Variants in JAK1 observed in about 807,000 individuals in gnomAD.
JAK1 encodes tyrosine-protein kinase JAK1.
A neutral mutation model predicts 136.6 loss-of-function variants in JAK1; 16 were observed. That is an observed-to-expected ratio of 0.12 (90% CI 0.08 to 0.18). The LOEUF is 0.18. JAK1 is among the 10% of genes least tolerant of loss of function. JAK1 has a pLI of 1.00. For synonymous variants in JAK1, 492 were observed against 519.5 expected (o/e 0.95, Z 0.72); for missense variants, 859 against 1,450.1 (o/e 0.59, Z 6.62).
At chr1:64,876,919 T>G (rs1361480088) in intron 4 of JAK1, among the ~76,000 whole-genome samples, 1 of 152,240 alleles carries the variant, frequency 6.6e-6, no homozygotes, top group African/African-American at 2.4e-5. Flanking sequence ...ATGCAGATAT[T>G]ATACACAACA....
chr1:64,898,712 T>C (rs1215710820), intron 1 of JAK1, among the ~76,000 whole-genome samples: 1 of 152,240 alleles, frequency 6.6e-6, no homozygotes, highest in Non-Finnish European at 1.5e-5. Context: ...TTCCTTCTAC[T>C]GTCATCCAGT....
chr1:64,908,696 CCA>C (rs1645230911), intron 1 of JAK1, among the ~76,000 whole-genome samples: 1 of 151,288 alleles, frequency 6.6e-6, no homozygotes, highest in Non-Finnish European at 1.5e-5. Flanking sequence ...AAGCATATGC[CCA>C]CAATTTTTAG....
chr1:64,910,604 C>T (rs1228851521), intron 1 of JAK1, among the ~76,000 whole-genome samples: 2 of 152,076 alleles, frequency 1.3e-5, no homozygotes, highest in East Asian at 3.9e-4. Context: ...GAGGCTAAGG[C>T]GGGCTGATCA....
intron 1 of JAK1, among the ~76,000 whole-genome samples, chr1:65,047,432 T>C (rs1382908010): frequency 6.6e-6 from 1 of 152,118 alleles, no homozygotes; most frequent in East Asian, 1.9e-4. Context: ...TAAAAAGTCA[T>C]ACAAGGCTGG....
At chr1:64,986,582 A>G (rs1018687014) in intron 2 of JAK1, among the ~76,000 whole-genome samples, 3 of 151,446 alleles carry the variant, frequency 2.0e-5, no homozygotes, top group Non-Finnish European at 2.9e-5. Context: ...TATCTTCTAA[A>G]GTTGTTGTGA....
rs1656211515 is a variant in JAK1 at position 64,860,332 on chromosome 1, G to A, written c.1177-70C>T. The A allele has an allele frequency of 3.8e-6, 5 of 1,319,242 alleles. No homozygotes were observed. In the East Asian group the frequency reaches 9.7e-5, roughly 26 times the overall value. The allele number at this position is 1,319,242 out of a possible 1,614,324, so 81.7% of individuals were successfully genotyped here. A position where few individuals can be genotyped will look rare whatever the true frequency, so the allele number is the denominator to read the frequency against. ...CAGCTTAAGTGGCTGACTCTGTAGG[G>A]AGGTGCACAGTGAGAAGATTTTTAT... On this transcript the variant is annotated intron_variant, in intron 8 of 24. Transcript: ENST00000342505.
chr1:65,010,720 C>T (rs932428154), intron 2 of JAK1, among the ~76,000 whole-genome samples: 9 of 152,202 alleles, frequency 5.9e-5, no homozygotes, highest in Non-Finnish European at 1.3e-4. Flanking sequence ...GTGGCTTACA[C>T]CTGTAATCCG....
intron 15 of JAK1, among the ~76,000 whole-genome samples, chr1:64,845,231 G>A (rs1476061365): frequency 6.6e-6 from 1 of 152,084 alleles, no homozygotes; most frequent in Non-Finnish European, 1.5e-5. Context: ...AACACGTACT[G>A]CACTGCTTTC....
chr1:64,922,984 T>C (rs1645521629), intron 1 of JAK1, among the ~76,000 whole-genome samples: 1 of 152,146 alleles, frequency 6.6e-6, no homozygotes, highest in Non-Finnish European at 1.5e-5. Flanking sequence ...AGGTACTAAA[T>C]AAAAAAGATA....
intron 2 of JAK1, among the ~76,000 whole-genome samples, chr1:65,016,246 G>A (rs1045408919): frequency 6.6e-6 from 1 of 152,198 alleles, no homozygotes; most frequent in African/African-American, 2.4e-5. Context: ...TTGGGGTGAT[G>A]AAAAAGTTTT....
intron 1 of JAK1, among the ~76,000 whole-genome samples, chr1:64,888,027 G>A (rs1420167791): frequency 6.6e-6 from 1 of 152,150 alleles, no homozygotes; most frequent in Non-Finnish European, 1.5e-5. Flanking sequence ...CTGACCAGAG[G>A]GGAGTACTGA....
At chr1:64,864,638 T>A (rs1436408563) in intron 8 of JAK1, 149 bp downstream of exon 8, 1 of 618,350 alleles carries the variant, frequency 1.6e-6, no homozygotes, top group Non-Finnish European at 2.8e-6. Context: ...TGAGAATGCC[T>A]TGGTAATAGG....
chr1:65,059,414 T>G (rs1363575104), intron 1 of JAK1, among the ~76,000 whole-genome samples: 1 of 152,224 alleles, frequency 6.6e-6, no homozygotes, highest in Admixed American at 6.5e-5. Flanking sequence ...AAATGCACAT[T>G]AGCAAAAATG....
Position 64,889,895 on chromosome 1 carries a change from C to G in JAK1, c.-77-3554G>C, listed in dbSNP as rs575474574. On this transcript the variant is annotated intron_variant, in intron 1 of 24. Coordinates refer to ENST00000342505, the MANE Select transcript of JAK1 (RefSeq NM_002227.4). ...CCAAGGGCCACTGCCAGATTTTTAC[C>G]GTTAAAAACAGACTGGTTGACAGTG... 2.6e-5 allele frequency among the ~76,000 whole-genome samples: 4 copies of G among 152,284 alleles called. No homozygotes were observed. In the East Asian group the frequency reaches 7.7e-4, roughly 29 times the overall value.
chr1:64,952,105 A>G (rs1228819514), intron 1 of JAK1, among the ~76,000 whole-genome samples: 1 of 152,248 alleles, frequency 6.6e-6, no homozygotes, highest in Non-Finnish European at 1.5e-5. Context: ...GAAACGCTAT[A>G]CATTTGCCCT....
intron 1 of JAK1, among the ~76,000 whole-genome samples, chr1:65,052,637 T>C (rs1024514769): frequency 4.6e-5 from 7 of 151,564 alleles, no homozygotes; most frequent in South Asian, 2.1e-4. Context: ...CACGATGAAA[T>C]CCCATCTCTA....
At chr1:64,909,638 T>C (rs1423811480) in intron 1 of JAK1, among the ~76,000 whole-genome samples, 2 of 137,566 alleles carry the variant, frequency 1.5e-5, no homozygotes, top group Admixed American at 7.7e-5. Context: ...CTAGGCAACA[T>C]AGTGAAACCC....
intron 1 of JAK1, among the ~76,000 whole-genome samples, chr1:64,913,974 G>A (rs934970955): frequency 7.2e-5 from 11 of 152,180 alleles, no homozygotes; most frequent in Admixed American, 5.9e-4. Context: ...GTGCGTTGGG[G>A]GGTGAGTGGC....
Position 64,837,964 on chromosome 1 carries a change from G to C in JAK1, c.3108C>G (p.Thr1036=). Residue 1036 remains threonine (T), a synonymous_variant, in exon 22 of 25, where the codon ACC becomes ACG. Coordinates refer to ENST00000342505, the MANE Select transcript of JAK1 (RefSeq NM_002227.4). ...KAIETDKEYY[T]VKDDRDSPVF... ...CAGGGCTGTCCCGGTCATCCTTGAC[G>C]GTGTAATACTCCTTATCGGTTTCAA... The C allele has an allele frequency of 1.2e-6, 2 of 1,613,916 alleles. No homozygotes were observed. The highest frequency in any genetic ancestry group is 1.7e-6 in the Non-Finnish European group (2 of 1,179,894).
Sources: gnomAD v4.1 joint callset for allele counts (sites outside exome capture counted in the v4.1 genomes callset) on GRCh38, gnomAD v4.1.1 for gene constraint, MANE v1.5 for transcripts, NCBI Gene and HGNC (gene_info 2026-07-23, HGNC 2026-07-21) for gene names.